Variants in DOCK9 observed in about 807,000 individuals in gnomAD.
DOCK9 encodes the protein dedicator of cytokinesis 9.
DOCK9 carries 89 observed loss-of-function variants against 263.3 expected under a neutral mutation model. The ratio of observed to expected loss-of-function variants is 0.34; its 90% CI spans 0.28 to 0.40. DOCK9 has a LOEUF of 0.40. DOCK9 is among the 10% of genes least tolerant of loss of function. The pLI is 1.00. For synonymous variants in DOCK9, 976 were observed against 973.1 expected, an observed-to-expected ratio of 1.00 and a Z score of -0.06; for missense variants, 2,140 against 2,603.4, an observed-to-expected ratio of 0.82 and a Z score of 3.87.
At chr13:98,852,865 C>A (rs1169694256) in intron 35 of DOCK9, among the ~76,000 whole-genome samples, 1 of 152,128 alleles carries the variant, frequency 6.6e-6, no homozygotes, top group East Asian at 1.9e-4. Flanking sequence ...GGTTGTCAAA[C>A]CCTTAAACAG....
At chr13:98,957,841 G>T (rs747975496) in intron 1 of DOCK9, among the ~76,000 whole-genome samples, 1 of 152,168 alleles carries the variant, frequency 6.6e-6, no homozygotes. Context: ...CTGCAGACTG[G>T]GGCAGACTCC....
intron 4 of DOCK9, among the ~76,000 whole-genome samples, chr13:98,923,880 G>C (rs1165177030): frequency 1.3e-5 from 2 of 152,114 alleles, no homozygotes; most frequent in African/African-American, 4.8e-5. Flanking sequence ...CTGTTGTTAA[G>C]GCCATTTAAC....
chr13:98,890,223 G>T (rs2046405622), intron 15 of DOCK9, among the ~76,000 whole-genome samples: 1 of 152,144 alleles, frequency 6.6e-6, no homozygotes, highest in Non-Finnish European at 1.5e-5. Context: ...CATTGATAAA[G>T]ATACTGCACA....
intron 37 of DOCK9, among the ~76,000 whole-genome samples, chr13:98,848,245 A>T (rs1182142902): frequency 6.6e-6 from 1 of 152,100 alleles, no homozygotes; most frequent in East Asian, 1.9e-4. Context: ...AGGAAGAGAA[A>T]CCACTGAGGA....
Position 98,825,839 on chromosome 13 carries a change from G to A in DOCK9, c.5023+991C>T. The A allele has an allele frequency of 2.1e-6, 3 of 1,441,340 alleles. No individual in the cohort carries two copies. The highest frequency in any genetic ancestry group is 2.6e-5 in the Admixed American group (1 of 38,378). 89.3% of individuals were successfully genotyped at this position (1,441,340 alleles called of 1,614,324 possible). On this transcript the variant is annotated intron_variant, in intron 44 of 52. Coordinates refer to ENST00000682017, the MANE Select transcript of DOCK9 (RefSeq NM_001366683.2). The surrounding 1 kb of genome is among the most constrained non-coding windows in gnomAD (Gnocchi z 4.1). ...GGAGGGCACGTGACCAGGGCAGGGG[G>A]TCCCCGGGGGCTGGGCTGATCCTCA... is the stretch of plus-strand genomic sequence containing the variant.
chr13:99,085,873 G>A (rs1285430191), intron 1 of DOCK9, among the ~76,000 whole-genome samples: 1 of 151,780 alleles, frequency 6.6e-6, no homozygotes, highest in Non-Finnish European at 1.5e-5. Context: ...ATGCGGGGGA[G>A]GGGGGAGAGT....
At position 98,879,828 on chromosome 13, in the gene DOCK9, G is replaced by A. The variant is rs61968719; in HGVS notation, c.2943+70C>T. On this transcript the variant is annotated intron_variant, in intron 27 of 52. Transcript: ENST00000682017. ...TGGCACAGAGAAAGCATGAAGAAAC[G>A]TTCACTACAAAGCAATGAAAGAGAT... is the stretch of plus-strand genomic sequence containing the variant. The A allele has an allele frequency of 1.3e-3, 1,680 of 1,306,190 alleles. 3 individuals carry two copies. Among genetic ancestry groups the A allele is most frequent in the African/African-American group, 2.6e-3 (177 of 67,542 alleles). 80.9% of individuals were successfully genotyped at this position (1,306,190 alleles called of 1,614,324 possible).
At chr13:98,974,103 A>G (rs1481155170) in intron 1 of DOCK9, among the ~76,000 whole-genome samples, 1 of 152,152 alleles carries the variant, frequency 6.6e-6, no homozygotes, top group African/African-American at 2.4e-5. Context: ...TTTTTCCTCT[A>G]AACTGTTGAG....
At chr13:98,884,880 C>G in intron 21 of DOCK9, 91 bp downstream of exon 21, 2 of 1,396,902 alleles carry the variant, frequency 1.4e-6, no homozygotes, top group Non-Finnish European at 1.9e-6. Flanking sequence ...AGCAAAAATA[C>G]TGTTTGCTTT....
At chr13:98,816,987 G>A (rs2091910040) in intron 45 of DOCK9, among the ~76,000 whole-genome samples, 3 of 152,098 alleles carry the variant, frequency 2.0e-5, no homozygotes, top group Non-Finnish European at 4.4e-5. Context: ...ATAATTTTAT[G>A]AGACATAAAA....
At chr13:98,879,496 A>G (rs1350105003) in intron 27 of DOCK9, among the ~76,000 whole-genome samples, 1 of 152,248 alleles carries the variant, frequency 6.6e-6, no homozygotes, top group African/African-American at 2.4e-5. Flanking sequence ...AATGACACTT[A>G]GAATTTATGC....
In DOCK9 at chr13:98,793,449, T is replaced by C. The variant is rs547744848; in HGVS notation, c.*1177A>G. On this transcript the variant is annotated 3_prime_UTR_variant, in exon 53 of 53. Transcript: ENST00000682017. ...TGAGGATTTTGGTATCCTGTTCCCT[T>C]AGGACTGCTGAACAATAAACACCCA... 26 of 152,492 alleles carry C rather than the reference T, an allele frequency of 1.7e-4. No homozygotes were observed. The highest frequency in any genetic ancestry group is 6.0e-4 in the African/African-American group (25 of 41,534). 9.4% of individuals were successfully genotyped at this position (152,492 alleles called of 1,614,324 possible). A position where few individuals can be genotyped will look rare whatever the true frequency, so the allele number is the denominator to read the frequency against.
chr13:98,903,599 C>CA lies in DOCK9; in HGVS notation c.1036-488dup, dbSNP rs72290114. Among the ~76,000 whole-genome samples, 236 of 78,470 alleles carry CA rather than the reference C, an allele frequency of 3.0e-3. 4 individuals are homozygous for CA. The highest frequency in any genetic ancestry group is 6.0e-3 in the East Asian group (15 of 2,518). The allele number at this position is 78,470 out of a possible 152,430, so 51.5% of individuals were successfully genotyped here. Reference sequence around the variant, plus strand: ...TGGGCGACAGAGCAAGACTCTGCCTCAAAAAAAAAAAAAAAAAAAAGACAA... The same window carrying CA: ...TGGGCGACAGAGCAAGACTCTGCCTCAAAAAAAAAAAAAAAAAAAAAGACAA... On this transcript the variant is annotated intron_variant, in intron 10 of 52. Coordinates refer to ENST00000682017, the MANE Select transcript of DOCK9 (RefSeq NM_001366683.2).
intron 32 of DOCK9, among the ~76,000 whole-genome samples, chr13:98,862,689 G>A (rs1445587381): frequency 1.5e-5 from 2 of 133,022 alleles, no homozygotes; most frequent in African/African-American, 5.5e-5. Context: ...ACTTATCTTG[G>A]GGAAAAAAAA....
intron 1 of DOCK9, among the ~76,000 whole-genome samples, chr13:99,006,248 C>A (rs1883314376): frequency 1.3e-5 from 2 of 152,206 alleles, no homozygotes; most frequent in African/African-American, 4.8e-5. Flanking sequence ...AAAAAAAGCA[C>A]TAATAGTCCC....
chr13:99,016,239 G>A (rs1480228973), intron 1 of DOCK9, among the ~76,000 whole-genome samples: 1 of 152,110 alleles, frequency 6.6e-6, no homozygotes, highest in African/African-American at 2.4e-5. Context: ...TCTCTAAGAT[G>A]ACTGCTGCTA....
intron 1 of DOCK9, 42 bp downstream of exon 1, chr13:98,977,742 C>A (rs768583338): frequency 4.4e-6 from 7 of 1,596,238 alleles, no homozygotes; most frequent in Non-Finnish European, 6.0e-6. Context: ...AAGAACCCAG[C>A]ATTGGGTAGA....
chr13:99,015,554 T>C (rs1483708563), intron 1 of DOCK9: 1 of 1,598,294 alleles, frequency 6.3e-7, no homozygotes, highest in Admixed American at 1.7e-5. Flanking sequence ...GCACAGTTTC[T>C]TTCAAAAACG....
At chr13:98,957,696 A>G (rs1405921693) in intron 1 of DOCK9, among the ~76,000 whole-genome samples, 11 of 152,192 alleles carry the variant, frequency 7.2e-5, no homozygotes, top group Non-Finnish European at 1.6e-4. Flanking sequence ...CAGTCAATAA[A>G]TGCTTGCTGG....
Sources: gnomAD v4.1 joint callset for allele counts (sites outside exome capture counted in the v4.1 genomes callset) on GRCh38, gnomAD v4.1.1 for gene constraint, Gnocchi (gnomAD v3.1) non-coding constraint, MANE v1.5 for transcripts, NCBI Gene and HGNC (gene_info 2026-07-23, HGNC 2026-07-21) for gene names.